FER: variants seen among roughly 807,000 people sequenced by gnomAD.
The protein encoded by FER is FER tyrosine kinase, also known as tyrosine-protein kinase Fer.
In FER, 63 loss-of-function variants were observed where a neutral mutation model predicts 111.0. The ratio of observed to expected loss-of-function variants is 0.57; its 90% CI spans 0.46 to 0.70. The LOEUF (loss-of-function observed/expected upper bound fraction) is 0.70, where lower values mean the gene tolerates loss of function less well. Among genes scored for constraint, FER ranks in the 30% least tolerant of loss-of-function variants. The pLI is 0.00. For missense variants in FER, 914 were observed against 954.0 expected (o/e 0.96, Z 0.55); for synonymous variants, 327 against 313.9 (o/e 1.04, Z -0.44).
intron 10 of FER, among the ~76,000 whole-genome samples, chr5:108,930,928 T>C (rs1011380624): frequency 1.3e-5 from 2 of 152,088 alleles, no homozygotes; most frequent in African/African-American, 4.8e-5. Context: ...TCATTAGTTC[T>C]ATGAATAATT....
chr5:108,911,584 T>G (rs1367457181), intron 10 of FER, among the ~76,000 whole-genome samples: 2 of 152,164 alleles, frequency 1.3e-5, no homozygotes, highest in Non-Finnish European at 2.9e-5. Flanking sequence ...CTTCTGGAAT[T>G]TTTATAGTTT....
At chr5:108,806,080 A>G (rs1463083975) in intron 3 of FER, among the ~76,000 whole-genome samples, 1 of 152,172 alleles carries the variant, frequency 6.6e-6, no homozygotes, top group African/African-American at 2.4e-5. Context: ...TCCCTGTGTT[A>G]CGTGCAGTCT....
At chr5:109,173,978 C>A in intron 17 of FER, among the ~76,000 whole-genome samples, 1 of 152,220 alleles carries the variant, frequency 6.6e-6, no homozygotes, top group Non-Finnish European at 1.5e-5. Flanking sequence ...TTCAAAGAGG[C>A]GGGACTTCTG....
rs145525918 is a variant in FER at position 108,887,180 on chromosome 5, T to A, written c.1046+3662T>A. On this transcript the variant is annotated intron_variant, in intron 9 of 19. Coordinates refer to ENST00000281092, the MANE Select transcript of FER (RefSeq NM_005246.4). ...GTCAAAAATAGTCTATGTTAGATAT[T>A]TGCATTCTTAAATTATTTTTAAATT... Among the ~76,000 whole-genome samples, 408 of 151,872 alleles carry A rather than the reference T, an allele frequency of 2.7e-3. 1 individual carries two copies. The highest frequency in any genetic ancestry group is 9.4e-3 in the African/African-American group (391 of 41,550).
intron 8 of FER, 143 bp from the exon 9 acceptor site, chr5:108,883,253 G>A: frequency 1.4e-6 from 1 of 717,140 alleles, no homozygotes; most frequent in East Asian, 3.6e-5. Flanking sequence ...CAACCAAAGA[G>A]CTGAAATTTT....
At chr5:109,081,608 G>A (rs190821714) in intron 16 of FER, among the ~76,000 whole-genome samples, 1 of 151,998 alleles carries the variant, frequency 6.6e-6, no homozygotes. Context: ...AACCGATTTA[G>A]CTTTTTCTCC....
chr5:108,940,431 A>G (rs1021290374), intron 10 of FER, among the ~76,000 whole-genome samples: 6 of 152,094 alleles, frequency 3.9e-5, no homozygotes, highest in African/African-American at 1.4e-4. Flanking sequence ...CTTCCTAACA[A>G]CCAAAATAAG....
intron 16 of FER, among the ~76,000 whole-genome samples, chr5:109,097,100 C>T (rs768834016): frequency 1.3e-5 from 2 of 151,078 alleles, no homozygotes; most frequent in Non-Finnish European, 3.0e-5. Flanking sequence ...TCTTCAAAGC[C>T]GTCTTGAGAA....
chr5:109,119,692 C>A (rs1305007357), intron 17 of FER, among the ~76,000 whole-genome samples: 1 of 151,978 alleles, frequency 6.6e-6, no homozygotes, highest in Admixed American at 6.6e-5. Context: ...TCTGGGTGCT[C>A]CTGTATTGGG....
chr5:108,795,723 C>T (rs1325577867), intron 2 of FER, among the ~76,000 whole-genome samples: 2 of 152,106 alleles, frequency 1.3e-5, no homozygotes, highest in East Asian at 1.9e-4. Context: ...TTATTTATTT[C>T]AATCTCCTTG....
intron 12 of FER, among the ~76,000 whole-genome samples, chr5:108,957,289 C>T (rs1554102415): frequency 6.6e-6 from 1 of 151,448 alleles, no homozygotes; most frequent in Non-Finnish European, 1.5e-5. Context: ...ACATTTAATA[C>T]AAAGTATAAA....
At chr5:109,031,969 A>G (rs558951631) in intron 13 of FER, among the ~76,000 whole-genome samples, 1 of 152,342 alleles carries the variant, frequency 6.6e-6, no homozygotes, top group South Asian at 2.1e-4. Context: ...GCAATGCTTA[A>G]GTATATCCAT....
At chr5:108,797,206 A>T (rs1756128894) in intron 2 of FER, among the ~76,000 whole-genome samples, 1 of 152,010 alleles carries the variant, frequency 6.6e-6, no homozygotes, top group African/African-American at 2.4e-5. Context: ...ATGACTGCCC[A>T]GTGCTCTATC....
At chr5:109,018,914 G>C (rs997146525) in intron 13 of FER, among the ~76,000 whole-genome samples, 1 of 151,482 alleles carries the variant, frequency 6.6e-6, no homozygotes, top group Non-Finnish European at 1.5e-5. Context: ...ATTACTGTGG[G>C]TAGTACTGCT....
chr5:109,039,960 G>A (rs1770919711), intron 14 of FER, among the ~76,000 whole-genome samples: 1 of 152,056 alleles, frequency 6.6e-6, no homozygotes, highest in Non-Finnish European at 1.5e-5. Context: ...GATGATGCTA[G>A]GTTAAGATGA....
At chr5:108,902,018 A>G (rs1415878240) in intron 10 of FER, among the ~76,000 whole-genome samples, 3 of 152,206 alleles carry the variant, frequency 2.0e-5, no homozygotes, top group Non-Finnish European at 4.4e-5. Flanking sequence ...TCACAGTTTT[A>G]CCTTATTTGC....
intron 5 of FER, among the ~76,000 whole-genome samples, chr5:108,846,694 T>A (rs931118149): frequency 6.6e-6 from 1 of 152,154 alleles, no homozygotes; most frequent in Non-Finnish European, 1.5e-5. Flanking sequence ...GCCATTCTCC[T>A]GTCTCAGCCT....
intron 9 of FER, among the ~76,000 whole-genome samples, chr5:108,891,728 A>C (rs969233595): frequency 5.3e-5 from 8 of 150,894 alleles, no homozygotes; most frequent in Admixed American, 5.3e-4. Context: ...GGTTAGTTAC[A>C]TATGTATACA....
At chr5:108,854,143 G>A (rs142526052) in intron 5 of FER, among the ~76,000 whole-genome samples, 7 of 152,306 alleles carry the variant, frequency 4.6e-5, no homozygotes, top group African/African-American at 1.7e-4. Context: ...CCTGCAAGCA[G>A]TGACACAACA....
Sources: allele counts gnomAD v4.1 joint callset (sites outside exome capture counted in the v4.1 genomes callset), GRCh38; gene constraint gnomAD v4.1.1; transcripts MANE v1.5; gene names NCBI Gene and HGNC (gene_info 2026-07-23, HGNC 2026-07-21).